Variants in ZNF578 observed in about 807,000 individuals in gnomAD.
The protein encoded by ZNF578 is zinc finger protein 578.
Under a neutral mutation model 8.3 loss-of-function variants are expected in ZNF578, and 8 were observed. That is an observed-to-expected ratio of 0.96 (90% CI 0.56 to 1.74). The LOEUF is 1.74. ZNF578 is among the 40% of genes most tolerant of loss of function. The pLI, the probability that ZNF578 is intolerant of heterozygous loss-of-function variation, is 0.00. For missense variants in ZNF578, 726 were observed against 707.5 expected, an observed-to-expected ratio of 1.03 and a Z score of -0.30; for synonymous variants, 206 against 232.2, an observed-to-expected ratio of 0.89 and a Z score of 1.03.
intron 2 of ZNF578, among the ~76,000 whole-genome samples, chr19:52,485,692 T>C (rs1331547574): frequency 1.3e-5 from 2 of 152,204 alleles, no homozygotes; most frequent in African/African-American, 4.8e-5. Context: ...CTCCCAGAAA[T>C]GTGCTGTGTT....
chr19:52,496,074 G>A (rs117769443), intron 3 of ZNF578, among the ~76,000 whole-genome samples: 8,394 of 151,430 alleles, frequency 0.055, 280 homozygotes, highest in South Asian at 0.077. Context: ...GGCTGGAGTG[G>A]AGTGGAGCGA....
At chr19:52,493,216 G>A (rs1473046707) in intron 3 of ZNF578, among the ~76,000 whole-genome samples, 2 of 152,042 alleles carry the variant, frequency 1.3e-5, no homozygotes, top group African/African-American at 4.8e-5. Context: ...CTGGAGCACA[G>A]CGCCCCGGGC....
chr19:52,460,894 A>AT (rs1409995234), intron 2 of ZNF578, among the ~76,000 whole-genome samples: 1 of 151,798 alleles, frequency 6.6e-6, no homozygotes, highest in Non-Finnish European at 1.5e-5. Context: ...AACACCACCC[A>AT]TTTTTTCTTT....
At chr19:52,465,304 T>G (rs1231571322) in intron 2 of ZNF578, among the ~76,000 whole-genome samples, 1 of 151,756 alleles carries the variant, frequency 6.6e-6, no homozygotes, top group African/African-American at 2.4e-5. Context: ...GTTGAGGAGG[T>G]GGTGGCCATT....
chr19:52,479,346 T>A (rs2122833543), intron 2 of ZNF578, among the ~76,000 whole-genome samples: 1 of 152,006 alleles, frequency 6.6e-6, no homozygotes, highest in South Asian at 2.1e-4. Context: ...CCATCCTGGC[T>A]AATGCGGTGA....
rs184444 is a variant in ZNF578, at chr19:52,467,142, C to T, written c.-122+10184C>T. 1.7e-3 allele frequency among the ~76,000 whole-genome samples: 255 copies of T among 152,072 alleles called. 1 individual carries two copies. Among genetic ancestry groups the T allele is most frequent in the African/African-American group, 5.7e-3 (235 of 41,444 alleles). On this transcript the variant is annotated intron_variant, in intron 2 of 5. Transcript: ENST00000421239. ...TCTTCTGCCTCAGCCTCCCAAATAG[C>T]TGGGATTATAGGTGCATGACACCAC...
At chr19:52,455,377 T>G (rs2059236657) in intron 1 of ZNF578, 1 of 152,168 alleles carries the variant, frequency 6.6e-6, no homozygotes, top group African/African-American at 2.4e-5. Flanking sequence ...TTTTGTGTTT[T>G]TAGTAGAGAT....
chr19:52,491,909 C>T (rs1260551175), intron 3 of ZNF578, among the ~76,000 whole-genome samples: 1 of 151,774 alleles, frequency 6.6e-6, no homozygotes, highest in Non-Finnish European at 1.5e-5. Flanking sequence ...ATCTGTAAGC[C>T]AAGCAGTTTG....
At chr19:52,461,311 C>T (rs2059257269) in intron 2 of ZNF578, among the ~76,000 whole-genome samples, 2 of 152,162 alleles carry the variant, frequency 1.3e-5, no homozygotes, top group African/African-American at 4.8e-5. Flanking sequence ...ATGCTCTAAG[C>T]TCATTATACA....
At chr19:52,470,934 T>C (rs926560914) in intron 2 of ZNF578, among the ~76,000 whole-genome samples, 2 of 152,112 alleles carry the variant, frequency 1.3e-5, no homozygotes, top group Non-Finnish European at 2.9e-5. Context: ...ATGGAGGGCA[T>C]TTCATGTGGT....
intron 3 of ZNF578, among the ~76,000 whole-genome samples, chr19:52,500,685 T>C (rs879434286): frequency 2.0e-5 from 3 of 151,930 alleles, no homozygotes; most frequent in Non-Finnish European, 2.9e-5. Context: ...GCTGGGTCTT[T>C]CTTTTGAGTT....
intron 2 of ZNF578, among the ~76,000 whole-genome samples, chr19:52,470,864 C>G (rs1416366447): frequency 6.6e-6 from 1 of 152,170 alleles, no homozygotes; most frequent in African/African-American, 2.4e-5. Flanking sequence ...CTATCCAAAA[C>G]TCATGTTGAA....
intron 3 of ZNF578, among the ~76,000 whole-genome samples, chr19:52,500,876 AC>A (rs1568464860): frequency 2.2e-5 from 2 of 90,616 alleles, no homozygotes; most frequent in African/African-American, 4.2e-5. Context: ...GTTTTGTGTG[AC>A]TTTTTTTTTT....
chr19:52,492,793 A>T (rs1472796164), intron 3 of ZNF578: 1 of 152,168 alleles, frequency 6.6e-6, no homozygotes, highest in Non-Finnish European at 1.5e-5. Flanking sequence ...GGCCCCGCCC[A>T]GGCCTGGCTT....
intron 2 of ZNF578, among the ~76,000 whole-genome samples, chr19:52,459,713 A>ATGTGTGTATGTGTGTGTGTGTGTG (rs1187045005): frequency 1.1e-4 from 2 of 18,234 alleles, no homozygotes; most frequent in African/African-American, 2.8e-4. Context: ...ATATGTAGAT[A>ATGTGTGTATGTGTGTGTGTGTGTG]TGTGTGTGTG....
At chr19:52,498,011 A>G (rs1427349089) in intron 3 of ZNF578, among the ~76,000 whole-genome samples, 2 of 152,156 alleles carry the variant, frequency 1.3e-5, no homozygotes, top group East Asian at 3.8e-4. Context: ...AGTGTTTTAA[A>G]CACCTATTGC....
chr19:52,463,557 A>ATGAGTTT (rs138769369), intron 2 of ZNF578, among the ~76,000 whole-genome samples: 1 of 7,658 alleles, frequency 1.3e-4, no homozygotes, highest in Non-Finnish European at 3.6e-3. Context: ...GTGCTAGGAC[A>ATGAGTTT]TGAGTTATAT....
chr19:52,511,726 C>T lies in ZNF578; in HGVS notation c.1345C>T (p.His449Tyr). The T allele has an allele frequency of 6.2e-7, 1 of 1,613,462 alleles. No individual in the cohort carries two copies. The highest frequency in any genetic ancestry group is 8.5e-7 in the Non-Finnish European group (1 of 1,179,934). Residue 449 changes from histidine (H) to tyrosine (Y), a missense_variant, in exon 6 of 6, where the codon CAT becomes TAT. His to Tyr is a moderately conservative substitution (Grantham distance 83). Transcript: ENST00000421239. ...QSSLARHHRL[H>Y]TGEKSYKCEE... The stretch of plus-strand genomic sequence containing the variant: ...AAGCCTTGCACGTCATCATAGACTT[C>T]ATACTGGAGAGAAATCTTACAAATG...
At chr19:52,489,117 A>G (rs1443923537) in intron 2 of ZNF578, among the ~76,000 whole-genome samples, 1 of 151,966 alleles carries the variant, frequency 6.6e-6, no homozygotes, top group Non-Finnish European at 1.5e-5. Flanking sequence ...AAAAAAAGAA[A>G]AAGTAGCCGA....
Sources: gnomAD v4.1 joint callset for allele counts (sites outside exome capture counted in the v4.1 genomes callset) on GRCh38, gnomAD v4.1.1 for gene constraint, MANE v1.5 for transcripts, NCBI Gene and HGNC (gene_info 2026-07-23, HGNC 2026-07-21) for gene names.